Variants in PHF24 observed in about 807,000 individuals in gnomAD.
PHF24 encodes Galpha inhibitory interacting protein.
A neutral mutation model predicts 42.6 loss-of-function variants in PHF24; 25 were observed. That is an observed-to-expected ratio of 0.59 (90% CI 0.43 to 0.82). PHF24 has a LOEUF of 0.82. PHF24 is among the 40% of genes least tolerant of loss of function. The pLI, the probability that PHF24 is intolerant of heterozygous loss-of-function variation, is 0.00. For missense variants in PHF24, 470 were observed against 538.1 expected (o/e 0.87, Z 1.25); for synonymous variants, 185 against 204.8 (o/e 0.90, Z 0.83).
chr9:34,903,140 G>A, the PHF24 span, among the ~76,000 whole-genome samples: 3 of 152,120 alleles, frequency 2.0e-5, no homozygotes, highest in East Asian at 5.8e-4. Context: ...CAGCAACTTA[G>A]AGATAGATAA....
the PHF24 span, among the ~76,000 whole-genome samples, chr9:34,704,642 C>T: frequency 7.2e-5 from 11 of 152,070 alleles, no homozygotes; most frequent in African/African-American, 2.7e-4. Context: ...TAAGACCAGC[C>T]TGGGCAACAT....
the PHF24 span, among the ~76,000 whole-genome samples, chr9:34,774,537 G>A: frequency 3.3e-5 from 5 of 152,090 alleles, no homozygotes; most frequent in East Asian, 1.9e-4. Flanking sequence ...TTTGGAAGGC[G>A]GAGGTAGGTG....
the PHF24 span, chr9:34,723,332 G>C: frequency 3.2e-6 from 5 of 1,551,690 alleles, no homozygotes; most frequent in Non-Finnish European, 4.4e-6. Context: ...AGGTTGTCTG[G>C]AGTGTAGCCG....
chr9:34,908,881 G>A, the PHF24 span, among the ~76,000 whole-genome samples: 1 of 136,340 alleles, frequency 7.3e-6, no homozygotes, highest in Non-Finnish European at 1.5e-5. Flanking sequence ...AGAGTCTCAC[G>A]TCGTCGCCTG....
chr9:34,802,449 A>G, the PHF24 span, among the ~76,000 whole-genome samples: 1 of 152,164 alleles, frequency 6.6e-6, no homozygotes, highest in Non-Finnish European at 1.5e-5. Flanking sequence ...GCATCATAGC[A>G]AGGTAATCCA....
the PHF24 span, chr9:34,834,832 G>A: frequency 1.3e-6 from 2 of 1,537,448 alleles, no homozygotes; most frequent in Non-Finnish European, 8.7e-7. Context: ...GTGGGGAAGA[G>A]GGTGGGGCTG....
At chr9:34,812,380 C>T in the PHF24 span, among the ~76,000 whole-genome samples, 1 of 152,134 alleles carries the variant, frequency 6.6e-6, no homozygotes, top group African/African-American at 2.4e-5. Flanking sequence ...GAAAACATTT[C>T]GTGGTTCTTC....
At chr9:34,697,326 AT>A in the PHF24 span, among the ~76,000 whole-genome samples, 30 of 149,160 alleles carry the variant, frequency 2.0e-4, no homozygotes, top group Non-Finnish European at 2.5e-4. Context: ...ACATTCACAA[AT>A]TTTTTTTTTT....
intron 4 of PHF24, 41 bp from the exon 5 acceptor site, chr9:34,976,494 G>C (rs1177471914): frequency 6.3e-7 from 1 of 1,585,418 alleles, no homozygotes; most frequent in Non-Finnish European, 8.6e-7. Flanking sequence ...CCCTGAGGCT[G>C]AGGAAGGATG....
At chr9:34,759,065 G>T in the PHF24 span, among the ~76,000 whole-genome samples, 2 of 152,138 alleles carry the variant, frequency 1.3e-5, no homozygotes, top group East Asian at 3.9e-4. Context: ...TCATTGCCTT[G>T]TTCCTTTTTG....
At chr9:34,680,624 C>G in the PHF24 span, among the ~76,000 whole-genome samples, 2 of 137,152 alleles carry the variant, frequency 1.5e-5, no homozygotes, top group African/African-American at 2.7e-5. Flanking sequence ...GGAGGCGGAG[C>G]TTGCAGTGAG....
At chr9:34,838,296 A>T in the PHF24 span, 3 of 714,020 alleles carry the variant, frequency 4.2e-6, no homozygotes, top group Non-Finnish European at 7.8e-6. Flanking sequence ...TGGAGCTTAA[A>T]AGCATATTAT....
chr9:34,865,085 A>C, the PHF24 span, among the ~76,000 whole-genome samples: 1 of 146,950 alleles, frequency 6.8e-6, no homozygotes, highest in African/African-American at 2.5e-5. Context: ...AGGCTGAGGC[A>C]GGAGAATCAC....
chr9:34,932,180 A>G, the PHF24 span, among the ~76,000 whole-genome samples: 2 of 152,172 alleles, frequency 1.3e-5, no homozygotes, highest in East Asian at 3.9e-4. Flanking sequence ...TGCTTTTTTC[A>G]ACATAGCCAA....
chr9:34,684,829 T>C, the PHF24 span, among the ~76,000 whole-genome samples: 4 of 152,128 alleles, frequency 2.6e-5, no homozygotes, highest in Non-Finnish European at 5.9e-5. Flanking sequence ...AGTGTTCCTG[T>C]GGCTGGGGTG....
At chr9:34,834,061 C>A in the PHF24 span, 1 of 1,548,216 alleles carries the variant, frequency 6.5e-7, no homozygotes, top group Non-Finnish European at 8.7e-7. Flanking sequence ...AGGCCTGTTG[C>A]TGCTGATCAA....
chr9:34,669,008 A>C, the PHF24 span, among the ~76,000 whole-genome samples: 35,738 of 152,124 alleles, frequency 0.23, 5,451 homozygotes, highest in Middle Eastern at 0.38. Context: ...CAAAGACCCC[A>C]AAAAATGCAG....
the PHF24 span, among the ~76,000 whole-genome samples, chr9:34,749,121 T>C: frequency 6.6e-6 from 1 of 151,956 alleles, no homozygotes; most frequent in East Asian, 1.9e-4. Context: ...AAGAAAGAAT[T>C]AGTGAGCTTA....
the PHF24 span, among the ~76,000 whole-genome samples, chr9:34,944,075 T>C: frequency 6.6e-6 from 1 of 152,278 alleles, no homozygotes; most frequent in Non-Finnish European, 1.5e-5. Flanking sequence ...TTCTACCATC[T>C]GTCAGAATAG....
Sources: gnomAD v4.1 joint callset for allele counts (sites outside exome capture counted in the v4.1 genomes callset) on GRCh38, gnomAD v4.1.1 for gene constraint, MANE v1.5 for transcripts, NCBI Gene and HGNC (gene_info 2026-07-23, HGNC 2026-07-21) for gene names.